Variants in MYO18A observed in about 807,000 individuals in gnomAD.
MYO18A encodes the protein myosin XVIIIA.
Under a neutral mutation model 235.8 loss-of-function variants are expected in MYO18A, and 78 were observed. The ratio of observed to expected loss-of-function variants is 0.33; its 90% confidence interval spans 0.28 to 0.40. The LOEUF is 0.40. Ranked by LOEUF, MYO18A falls within the 10% of genes least tolerant of loss-of-function variation. MYO18A has a pLI of 1.00. For missense variants in MYO18A, 2,215 were observed against 2,699.3 expected, an observed-to-expected ratio of 0.82 and a Z score of 3.98; for synonymous variants, 977 against 1,077.8, an observed-to-expected ratio of 0.91 and a Z score of 1.83.
chr17:29,136,250 A>T (rs1039552855), intron 2 of MYO18A, among the ~76,000 whole-genome samples: 4,833 of 82,176 alleles, frequency 0.059, 133 homozygotes, highest in Non-Finnish European at 0.081. Flanking sequence ...AAAAAAAAAA[A>T]ATATATATAT....
intron 19 of MYO18A, 118 bp from the exon 20 acceptor site, chr17:29,107,307 G>A: frequency 1.1e-6 from 1 of 924,506 alleles, no homozygotes. Context: ...ACTGCAGGGG[G>A]TGGGGAGCCT....
Position 29,120,964 on chromosome 17 carries a change from C to T in MYO18A, c.1585+34G>A, listed in dbSNP as rs540591068. On this transcript the variant is annotated intron_variant, in intron 6 of 41. Coordinates refer to ENST00000527372, the MANE Select transcript of MYO18A (RefSeq NM_078471.4). This position sits in a 1 kb window ranked among gnomAD's most constrained non-coding sequence, Gnocchi z 4.2. ...CTCTCCTCACTCCCCTCCCCTCACC[C>T]CACTTTCAGTTTTCTCCCTTGTCCC... The T allele has an allele frequency of 8.6e-5, 137 of 1,591,744 alleles. 1 individual carries two copies. The South Asian group carries it at 1.3e-3, about 15-fold the overall frequency.
Position 29,158,575 on chromosome 17 carries a change from G to A in MYO18A, c.999+7367C>T, listed in dbSNP as rs547744726. Among the ~76,000 whole-genome samples the A allele has an allele frequency of 4.6e-5, 7 of 152,286 alleles. No homozygotes were observed. The highest frequency in any genetic ancestry group is 6.5e-5 in the Admixed American group (1 of 15,304). On this transcript the variant is annotated intron_variant, in intron 2 of 41. Coordinates refer to ENST00000527372, the MANE Select transcript of MYO18A (RefSeq NM_078471.4). The surrounding 1 kb of genome is among the most constrained non-coding windows in gnomAD (Gnocchi z 4.3). ...AGATGCCTGGGGCACAACCATACCC[G>A]CTGCCCAGGACTGACAATGGAGGCG...
At chr17:29,138,409 C>A (rs2067657613) in intron 2 of MYO18A, among the ~76,000 whole-genome samples, 1 of 152,214 alleles carries the variant, frequency 6.6e-6, no homozygotes, top group African/African-American at 2.4e-5. Flanking sequence ...CTCCTCTCCT[C>A]CCTCTTTCCC....
chr17:29,177,728 C>G (rs2068564604), intron 1 of MYO18A, among the ~76,000 whole-genome samples: 1 of 152,180 alleles, frequency 6.6e-6, no homozygotes, highest in South Asian at 2.1e-4. Flanking sequence ...CTGCCCCAAA[C>G]CTTTAAACTA....
intron 34 of MYO18A, chr17:29,091,722 A>G (rs1470256484): frequency 4.4e-6 from 2 of 453,886 alleles, no homozygotes; most frequent in East Asian, 1.4e-4. Flanking sequence ...CTCAGGGGCC[A>G]TGAAGCCACC....
intron 33 of MYO18A, 77 bp from the exon 34 acceptor site, chr17:29,092,533 G>A: frequency 8.1e-7 from 1 of 1,233,332 alleles, no homozygotes; most frequent in Non-Finnish European, 1.2e-6. Context: ...CAGGAAAGAG[G>A]GAGCTCGGAT....
At chr17:29,151,483 C>A (rs760250538) in intron 2 of MYO18A, among the ~76,000 whole-genome samples, 9 of 152,144 alleles carry the variant, frequency 5.9e-5, no homozygotes, top group Non-Finnish European at 1.0e-4. Context: ...CCAGAGTCTG[C>A]TTAGACTCCT....
rs1213343222 is a variant in MYO18A, at chr17:29,158,889, A to G, written c.999+7053T>C. ...TCTGGTATTTTCCAGAACCAGTCCA[A>G]TGTAAATAAGAGAGATTAGAAGGGA... On this transcript the variant is annotated intron_variant, in intron 2 of 41. Transcript: ENST00000527372. The surrounding 1 kb of genome is among the most constrained non-coding windows in gnomAD (Gnocchi z 4.3). 6.6e-6 allele frequency among the ~76,000 whole-genome samples: 1 copy of G among 152,146 alleles called. No individual in the cohort carries two copies.
chr17:29,160,548 C>T lies in MYO18A; in HGVS notation c.999+5394G>A, dbSNP rs1226278550. Among the ~76,000 whole-genome samples the T allele has an allele frequency of 2.0e-5, 3 of 152,318 alleles. No homozygotes were observed. The East Asian group carries it at 5.8e-4, about 29-fold the overall frequency. On this transcript the variant is annotated intron_variant, in intron 2 of 41. Coordinates refer to ENST00000527372, the MANE Select transcript of MYO18A (RefSeq NM_078471.4). ...TTAATCCCCCAGTGCTAGCACAGTGCCCGGTCCTTAGGTCAACTTCATTAA... is the reference window on the plus strand; with the variant it reads ...TTAATCCCCCAGTGCTAGCACAGTGTCCGGTCCTTAGGTCAACTTCATTAA...
chr17:29,152,453 T>C (rs1440425973), intron 2 of MYO18A, among the ~76,000 whole-genome samples: 1 of 152,132 alleles, frequency 6.6e-6, no homozygotes, highest in Non-Finnish European at 1.5e-5. Context: ...TCAGACCAGA[T>C]TGGAAACTCA....
Position 29,086,960 on chromosome 17 carries a change from C to T in MYO18A, c.5688G>A (p.Glu1896=). The T allele has an allele frequency of 6.2e-7, 1 of 1,612,858 alleles. No individual in the cohort carries two copies. ...EMGELARKEA[E]ASRKKHELEM... is the part of the protein sequence containing the mutation. ...CCAGTTCGTGCTTCTTGCGGCTCGC[C>T]TCGGCCTCCTTCCTGGCAAGCTCGC... Residue 1896 remains glutamate (E), a synonymous_variant, in exon 38 of 42, where the codon GAG becomes GAA. Transcript: ENST00000527372.
intron 1 of MYO18A, among the ~76,000 whole-genome samples, chr17:29,168,864 G>A (rs780931033): frequency 5.3e-5 from 8 of 152,144 alleles, no homozygotes; most frequent in African/African-American, 1.2e-4. Context: ...TTAGGAGGCT[G>A]AGGCAGGCAG....
At chr17:29,082,614 C>G (rs568021317) in intron 40 of MYO18A, among the ~76,000 whole-genome samples, 176 bp from the exon 41 acceptor site, 6 of 152,140 alleles carry the variant, frequency 3.9e-5, no homozygotes, top group African/African-American at 9.6e-5. Context: ...TCACAAGGAG[C>G]CTGTCCCCAC....
At chr17:29,161,507 C>CA (rs34979528) in intron 2 of MYO18A, among the ~76,000 whole-genome samples, 15,483 of 118,206 alleles carry the variant, frequency 0.13, 1,545 homozygotes, top group African/African-American at 0.3. Flanking sequence ...GACCCTGTCT[C>CA]AAAAAAAAAA....
At chr17:29,116,907 C>T (rs1411010968) in intron 10 of MYO18A, among the ~76,000 whole-genome samples, 1 of 151,940 alleles carries the variant, frequency 6.6e-6, no homozygotes, top group East Asian at 1.9e-4. Context: ...AACACACAGC[C>T]ACACGCCTGC....
intron 2 of MYO18A, chr17:29,133,683 G>T: frequency 1.4e-6 from 1 of 709,622 alleles, no homozygotes; most frequent in South Asian, 1.5e-5. Context: ...ATACACACAT[G>T]CCCCAATCCA....
In MYO18A at chr17:29,096,906, G is replaced by A. The variant is rs2066531918; in HGVS notation, c.4240C>T (p.Leu1414=). ...KRQLERRLGD[L]QADSEESQRA... ...TGACTCTCCTCACTATCTGCCTGCAGGTCCCCGAGCTAGGGGCCAAGATGG... is the reference window on the plus strand; with the variant it reads ...TGACTCTCCTCACTATCTGCCTGCAAGTCCCCGAGCTAGGGGCCAAGATGG... Residue 1414 remains leucine (L), a synonymous_variant, in exon 28 of 42, where the codon CTG becomes TTG. Transcript: ENST00000527372. The A allele has an allele frequency of 6.4e-7, 1 of 1,569,524 alleles. No homozygotes were observed. The highest frequency in any genetic ancestry group is 1.7e-4 in the Middle Eastern group (1 of 5,906).
rs2067317663 is a variant in MYO18A at position 29,126,229 on chromosome 17, C to G, written c.1000-3976G>C. On this transcript the variant is annotated intron_variant, in intron 2 of 41. Coordinates refer to ENST00000527372, the MANE Select transcript of MYO18A (RefSeq NM_078471.4). This position sits in a 1 kb window ranked among gnomAD's most constrained non-coding sequence, Gnocchi z 4.1. Reference sequence around the variant, plus strand: ...CCCACTTGCCCTCTGGACCCTTCCCCAGGCCCAGGTGACAGGTGGCTAAAC... The same window carrying G: ...CCCACTTGCCCTCTGGACCCTTCCCGAGGCCCAGGTGACAGGTGGCTAAAC... Among the ~76,000 whole-genome samples the G allele has an allele frequency of 6.6e-6, 1 of 152,160 alleles. No homozygotes were observed. The highest frequency in any genetic ancestry group is 6.5e-5 in the Admixed American group (1 of 15,278).
Sources: gnomAD v4.1 joint callset for allele counts (sites outside exome capture counted in the v4.1 genomes callset) on GRCh38, gnomAD v4.1.1 for gene constraint, Gnocchi (gnomAD v3.1) non-coding constraint, MANE v1.5 for transcripts, NCBI Gene and HGNC (gene_info 2026-07-23, HGNC 2026-07-21) for gene names.